MARK2: variants seen among roughly 807,000 people sequenced by gnomAD.
The protein encoded by MARK2 is serine/threonine-protein kinase MARK2.
In MARK2, 16 loss-of-function variants were observed where a neutral mutation model predicts 89.8. The ratio of observed to expected loss-of-function variants is 0.18; its 90% CI spans 0.12 to 0.27. The LOEUF is 0.27. Ranked by LOEUF, MARK2 falls within the 10% of genes least tolerant of loss-of-function variation. The pLI is 1.00. For missense variants in MARK2, 621 were observed against 1,049.9 expected (o/e 0.59, Z 5.65); for synonymous variants, 382 against 399.5 (o/e 0.96, Z 0.52).
At chr11:63,848,294 T>C (rs985416065) in intron 1 of MARK2, among the ~76,000 whole-genome samples, 5 of 152,266 alleles carry the variant, frequency 3.3e-5, no homozygotes, top group African/African-American at 1.2e-4. Flanking sequence ...AGTGAGCTAC[T>C]CATTGCTTCT....
chr11:63,883,254 A>AC (rs1251798275), intron 1 of MARK2, among the ~76,000 whole-genome samples: 7 of 152,204 alleles, frequency 4.6e-5, no homozygotes, highest in Non-Finnish European at 8.8e-5. Context: ...ACAGAGGGCG[A>AC]AGGCATGGGC....
intron 1 of MARK2, among the ~76,000 whole-genome samples, chr11:63,850,391 A>G (rs549797497): frequency 6.1e-5 from 8 of 132,030 alleles, no homozygotes; most frequent in Non-Finnish European, 1.2e-4. Context: ...CTGGTCTTGA[A>G]CTCCTGACCT....
At position 63,910,322 on chromosome 11, in the gene MARK2, TGACACTGTCGCCCCCTCCTCTCAGGA is replaced by T. The variant is rs1272244458; in HGVS notation, c.*1093_*1118del. ...ATCTCTCAGCCTTGCCTTTTCTTCC[TGACACTGTCGCCCCCTCCTCTCAGGA>T]GACACTGCCGAGGGCCACCTGGCAG... On this transcript the variant is annotated 3_prime_UTR_variant, in exon 19 of 19. Transcript: ENST00000402010. The T allele has an allele frequency of 6.6e-6, 1 of 152,444 alleles. No homozygotes were observed. The highest frequency in any genetic ancestry group is 1.5e-5 in the Non-Finnish European group (1 of 68,204). 9.4% of individuals were successfully genotyped at this position (152,444 alleles called of 1,614,324 possible).
At chr11:63,897,085 C>T (rs1214313471) in intron 3 of MARK2, among the ~76,000 whole-genome samples, 5 of 152,168 alleles carry the variant, frequency 3.3e-5, no homozygotes, top group Non-Finnish European at 7.3e-5. Flanking sequence ...GAAAAATGAA[C>T]ATTGAAGAAG....
chr11:63,888,899 A>C, intron 1 of MARK2: 2 of 1,347,574 alleles, frequency 1.5e-6, no homozygotes, highest in Non-Finnish European at 2.0e-6. Context: ...TCGCTGCCTG[A>C]CAGGTTCTGC....
chr11:63,856,308 GTTTTT>G (rs771771264), intron 1 of MARK2, among the ~76,000 whole-genome samples: 1 of 87,248 alleles, frequency 1.1e-5, no homozygotes, highest in Non-Finnish European at 2.4e-5. Flanking sequence ...GGCCCTGTGG[GTTTTT>G]TTTTTTTGTT....
At chr11:63,883,687 T>C (rs1939234332) in intron 1 of MARK2, among the ~76,000 whole-genome samples, 2 of 151,998 alleles carry the variant, frequency 1.3e-5, no homozygotes, top group Non-Finnish European at 2.9e-5. Context: ...TGGGCTCAGG[T>C]GATCCTTCCA....
chr11:63,873,404 G>C (rs562424680), intron 1 of MARK2, among the ~76,000 whole-genome samples: 1 of 152,198 alleles, frequency 6.6e-6, no homozygotes, highest in South Asian at 2.1e-4. Flanking sequence ...GGTCAAGAGA[G>C]TGGTAGCTGC....
rs1282350354 is a variant in MARK2, at chr11:63,851,302, A to G, written c.54+11742A>G. On this transcript the variant is annotated intron_variant, in intron 1 of 18. Transcript: ENST00000402010. ...GAAGCTGTGGCTGGGGGAAGGTAAC[A>G]GTGTCCCCTCAGAACTCATGGAGAT... Among the ~76,000 whole-genome samples, 5 of 152,142 alleles carry G rather than the reference A, an allele frequency of 3.3e-5. No individual in the cohort carries two copies. The South Asian group carries it at 1.0e-3, about 32-fold the overall frequency.
intron 1 of MARK2, among the ~76,000 whole-genome samples, chr11:63,876,303 G>A (rs904356769): frequency 1.3e-5 from 2 of 152,166 alleles, no homozygotes; most frequent in African/African-American, 2.4e-5. Context: ...CAGAGAATTC[G>A]TGATGAGCTT....
At chr11:63,842,677 T>C (rs59423787) in intron 1 of MARK2, among the ~76,000 whole-genome samples, 8,794 of 152,188 alleles carry the variant, frequency 0.058, 858 homozygotes, top group African/African-American at 0.2. Flanking sequence ...GCTTGGTCAT[T>C]ACTATAGTCT....
chr11:63,892,904 ATTTTT>A (rs896527484), intron 1 of MARK2, among the ~76,000 whole-genome samples: 4 of 114,684 alleles, frequency 3.5e-5, no homozygotes, highest in African/African-American at 1.4e-4. Context: ...TGATTTCTTA[ATTTTT>A]TTTTTTTTTT....
chr11:63,839,683 A>ATCCGGCTCCTGGC (rs1318891393), intron 1 of MARK2, 123 bp downstream of exon 1: 9 of 676,906 alleles, frequency 1.3e-5, no homozygotes, highest in Non-Finnish European at 2.3e-5. Flanking sequence ...CTGCCCTGTC[A>ATCCGGCTCCTGGC]TCCGGCTCCT....
At chr11:63,905,174 C>A in intron 16 of MARK2, 131 bp downstream of exon 16, 1 of 1,043,504 alleles carries the variant, frequency 9.6e-7, no homozygotes, top group Non-Finnish European at 1.4e-6. Context: ...TTAGAAGAGG[C>A]TTCAGGAAGC....
chr11:63,898,363 C>A, intron 4 of MARK2, 83 bp downstream of exon 4: 1 of 1,368,250 alleles, frequency 7.3e-7, no homozygotes, highest in Non-Finnish European at 1.0e-6. Flanking sequence ...CCGAGGTGCA[C>A]TGCCTTCTGG....
chr11:63,903,682 C>A lies in MARK2; in HGVS notation c.1515-304C>A, dbSNP rs1444064947. On this transcript the variant is annotated intron_variant, in intron 14 of 18. Coordinates refer to ENST00000402010, the MANE Select transcript of MARK2 (RefSeq NM_001039469.3). This position sits in a 1 kb window ranked among gnomAD's most constrained non-coding sequence, Gnocchi z 5.1. ...CCACTCTTTCTGTAGAAGAAACTCT[C>A]CTGTTCTTAAAATTCTTAGGAGGCC... is the stretch of plus-strand genomic sequence containing the variant. 1.3e-5 allele frequency among the ~76,000 whole-genome samples: 2 copies of A among 152,198 alleles called. No homozygotes were observed. The highest frequency in any genetic ancestry group is 4.8e-5 in the African/African-American group (2 of 41,438).
chr11:63,901,914 G>T (rs1940924319), intron 11 of MARK2, among the ~76,000 whole-genome samples: 1 of 151,972 alleles, frequency 6.6e-6, no homozygotes, highest in Non-Finnish European at 1.5e-5. Flanking sequence ...TGTGTTGAGG[G>T]GAGTGGACTT....
At chr11:63,878,354 C>G (rs762009379) in intron 1 of MARK2, among the ~76,000 whole-genome samples, 10 of 136,778 alleles carry the variant, frequency 7.3e-5, no homozygotes, top group Non-Finnish European at 1.6e-4. Flanking sequence ...CTCTCTTGTT[C>G]AAGTCTTTTT....
rs902610167 is a variant in MARK2, at chr11:63,902,047, AG to A, written c.1102-145del. 2 of 727,356 alleles carry A rather than the reference AG, an allele frequency of 2.7e-6. No individual in the cohort carries two copies. The highest frequency in any genetic ancestry group is 4.5e-6 in the Non-Finnish European group (2 of 444,458). The allele number at this position is 727,356 out of a possible 1,614,324, so 45.1% of individuals were successfully genotyped here. A position where few individuals can be genotyped will look rare whatever the true frequency, so the allele number is the denominator to read the frequency against. On this transcript the variant is annotated intron_variant, in intron 11 of 18. Coordinates refer to ENST00000402010, the MANE Select transcript of MARK2 (RefSeq NM_001039469.3). This position sits in a 1 kb window ranked among gnomAD's most constrained non-coding sequence, Gnocchi z 4.2. ...CATGTGTGTCTCCAGGGTCTCCTCC[AG>A]GGGGGATGTATTGGTCTTACAAGTG...
Sources: allele counts gnomAD v4.1 joint callset (sites outside exome capture counted in the v4.1 genomes callset), GRCh38; gene constraint gnomAD v4.1.1; non-coding constraint Gnocchi (gnomAD v3.1); transcripts MANE v1.5; gene names NCBI Gene and HGNC (gene_info 2026-07-23, HGNC 2026-07-21).